DNAL1: variants seen among roughly 807,000 people sequenced by gnomAD.
The protein encoded by DNAL1 is dynein axonemal light chain 1, also known as chromosome 14 open reading frame 168.
Under a neutral mutation model 29.4 loss-of-function variants are expected in DNAL1, and 17 were observed. The ratio of observed to expected loss-of-function variants is 0.58; its 90% CI spans 0.40 to 0.87. DNAL1 has a LOEUF of 0.87. DNAL1 is among the 40% of genes least tolerant of loss of function. DNAL1 has a pLI of 0.00. For synonymous variants in DNAL1, 78 were observed against 76.3 expected, an observed-to-expected ratio of 1.02 and a Z score of -0.12; for missense variants, 188 against 214.1, an observed-to-expected ratio of 0.88 and a Z score of 0.76.
chr14:73,695,088 C>T lies in DNAL1; in HGVS notation c.533-814C>T, dbSNP rs1892272584. Among the ~76,000 whole-genome samples the T allele has an allele frequency of 3.8e-5, 4 of 106,444 alleles. No individual in the cohort carries two copies. The South Asian group carries it at 9.4e-4, about 25-fold the overall frequency. 69.8% of individuals were successfully genotyped at this position (106,444 alleles called of 152,430 possible). A position where few individuals can be genotyped will look rare whatever the true frequency, so the allele number is the denominator to read the frequency against. On this transcript the variant is annotated intron_variant, in intron 7 of 7. Coordinates refer to ENST00000553645, the MANE Select transcript of DNAL1 (RefSeq NM_031427.4). ...TTTTTTTTTTTGAGACAGGGTCTTA[C>T]TCTGCCACCCAGGCTGGAGTGCAGT...
At chr14:73,687,187 A>G (rs1233936857) in intron 5 of DNAL1, 72 bp from the exon 6 acceptor site, 2 of 1,579,534 alleles carry the variant, frequency 1.3e-6, no homozygotes, top group Non-Finnish European at 1.7e-6. Flanking sequence ...GCCATTATGT[A>G]TATCTTTATA....
chr14:73,668,456 G>T (rs1181548203), intron 4 of DNAL1, among the ~76,000 whole-genome samples: 2 of 152,154 alleles, frequency 1.3e-5, no homozygotes, highest in African/African-American at 4.8e-5. Context: ...GAATAATTAT[G>T]TGATTTTCTT....
chr14:73,689,285 T>A, intron 6 of DNAL1, 90 bp from the exon 7 acceptor site: 1 of 1,462,250 alleles, frequency 6.8e-7, no homozygotes, highest in Non-Finnish European at 9.3e-7. Context: ...GCCCGCCTTG[T>A]CCCCCCAAAG....
intron 5 of DNAL1, among the ~76,000 whole-genome samples, chr14:73,681,825 A>G (rs896634529): frequency 2.0e-5 from 3 of 149,130 alleles, no homozygotes; most frequent in African/African-American, 7.4e-5. Flanking sequence ...TAAAAATAAT[A>G]TGTTTAGCTG....
chr14:73,654,658 C>T (rs1213127429), intron 1 of DNAL1, among the ~76,000 whole-genome samples, 189 bp from the exon 2 acceptor site: 1 of 152,084 alleles, frequency 6.6e-6, no homozygotes, highest in Non-Finnish European at 1.5e-5. Flanking sequence ...ACTTGGGAGA[C>T]TGAGGCAGGA....
At chr14:73,686,988 T>C (rs1892032480) in intron 5 of DNAL1, among the ~76,000 whole-genome samples, 1 of 151,396 alleles carries the variant, frequency 6.6e-6, no homozygotes, top group African/African-American at 2.4e-5. Flanking sequence ...ATTTCAGTAT[T>C]AGTAACGTAT....
rs1366417784 is a variant in DNAL1 at position 73,702,611 on chromosome 14, A to G, written c.*6669A>G. 1 of 152,120 alleles carries G rather than the reference A, an allele frequency of 6.6e-6. No homozygotes were observed. Among genetic ancestry groups the G allele is most frequent in the African/African-American group, 2.4e-5 (1 of 41,412 alleles). 9.4% of individuals were successfully genotyped at this position (152,120 alleles called of 1,614,324 possible). A position where few individuals can be genotyped will look rare whatever the true frequency, so the allele number is the denominator to read the frequency against. The stretch of plus-strand genomic sequence containing the variant: ...CTTGACCATTCCTAGTCCTCACCTG[A>G]TTACCAGAAGGTACGCAAGGTAAAA... On this transcript the variant is annotated 3_prime_UTR_variant, in exon 8 of 8. Coordinates refer to ENST00000553645, the MANE Select transcript of DNAL1 (RefSeq NM_031427.4).
chr14:73,675,502 C>T (rs1230217616), intron 5 of DNAL1, among the ~76,000 whole-genome samples: 2 of 151,454 alleles, frequency 1.3e-5, no homozygotes, highest in African/African-American at 4.8e-5. Flanking sequence ...GTGATGGAGT[C>T]TTACTATGTT....
chr14:73,670,680 T>C (rs1167758406), intron 4 of DNAL1, among the ~76,000 whole-genome samples: 1 of 151,770 alleles, frequency 6.6e-6, no homozygotes, highest in East Asian at 1.9e-4. Context: ...CAAATAGAAA[T>C]AACCTTTAAA....
At position 73,679,879 on chromosome 14, in the gene DNAL1, C is replaced by CTT. The variant is rs142899983; in HGVS notation, c.265-7369_265-7368dup. On this transcript the variant is annotated intron_variant, in intron 5 of 7. Coordinates refer to ENST00000553645, the MANE Select transcript of DNAL1 (RefSeq NM_031427.4). ...GTGTCATGAGGCGCAGGTATCATGT[C>CTT]TTTTTTTTTTTTCTTTAATTGGTTA... Among the ~76,000 whole-genome samples, 1,165 of 143,752 alleles carry CTT rather than the reference C, an allele frequency of 8.1e-3. 24 individuals carry two copies. The highest frequency in any genetic ancestry group is 0.028 in the African/African-American group (1,106 of 39,318). The allele number at this position is 143,752 out of a possible 152,430, so 94.3% of individuals were successfully genotyped here.
chr14:73,677,884 T>TTTGTGTGTGTGTG lies in DNAL1; in HGVS notation c.264+6288_264+6289insTGTGTGTGTGTGT, dbSNP rs1555402398. Among the ~76,000 whole-genome samples the TTTGTGTGTGTGTG allele has an allele frequency of 1.2e-3, 120 of 96,130 alleles. 2 individuals are homozygous for TTTGTGTGTGTGTG. Among genetic ancestry groups the TTTGTGTGTGTGTG allele is most frequent in the African/African-American group, 3.3e-3 (88 of 26,516 alleles). 63.1% of individuals were successfully genotyped at this position (96,130 alleles called of 152,430 possible). A position where few individuals can be genotyped will look rare whatever the true frequency, so the allele number is the denominator to read the frequency against. ...TATATTTATATATATATATATATAT[T>TTTGTGTGTGTGTG]TGTGTGTGTGTGTGTGTGTGTGTGT... On this transcript the variant is annotated intron_variant, in intron 5 of 7. Transcript: ENST00000553645.
At chr14:73,648,482 G>A (rs999949544) in intron 1 of DNAL1, among the ~76,000 whole-genome samples, 8 of 144,960 alleles carry the variant, frequency 5.5e-5, no homozygotes, top group Non-Finnish European at 1.2e-4. Flanking sequence ...GGTCTGGAGT[G>A]CAGTGGCCCC....
At chr14:73,686,052 C>G (rs901630190) in intron 5 of DNAL1, among the ~76,000 whole-genome samples, 3 of 152,166 alleles carry the variant, frequency 2.0e-5, no homozygotes, top group African/African-American at 7.2e-5. Context: ...CACCATTTTA[C>G]CTCCCTGCCA....
rs773102341 is a variant in DNAL1, at chr14:73,671,629, T to C, written c.264+32T>C. The C allele has an allele frequency of 3.3e-5, 46 of 1,407,032 alleles. No homozygotes were observed. The African/African-American group carries it at 6.8e-4, about 21-fold the overall frequency. 87.2% of individuals were successfully genotyped at this position (1,407,032 alleles called of 1,614,324 possible). ...TGTTATTTATTATTATTTTATTTAT[T>C]TAATTTGCACACATCTATGAATAAT... On this transcript the variant is annotated intron_variant, in intron 5 of 7. Transcript: ENST00000553645.
chr14:73,682,235 A>G (rs1184606173), intron 5 of DNAL1, among the ~76,000 whole-genome samples: 5 of 145,008 alleles, frequency 3.4e-5, no homozygotes, highest in South Asian at 2.2e-4. Context: ...CAGTGGCTCA[A>G]TCTCAGTTCA....
chr14:73,697,107 A>G lies in DNAL1; in HGVS notation c.*1165A>G, dbSNP rs2140068398. The G allele has an allele frequency of 6.6e-6, 1 of 152,344 alleles. No homozygotes were observed. 9.4% of individuals were successfully genotyped at this position (152,344 alleles called of 1,614,324 possible). A position where few individuals can be genotyped will look rare whatever the true frequency, so the allele number is the denominator to read the frequency against. On this transcript the variant is annotated 3_prime_UTR_variant, in exon 8 of 8. Coordinates refer to ENST00000553645, the MANE Select transcript of DNAL1 (RefSeq NM_031427.4). ...AGAGGTTAGAATTTATCATGTAAAC[A>G]AAAAATCCTTCAGGAAAATGTAAGA... is the stretch of plus-strand genomic sequence containing the variant.
intron 7 of DNAL1, among the ~76,000 whole-genome samples, chr14:73,692,500 A>G (rs1367156235): frequency 6.6e-6 from 1 of 151,940 alleles, no homozygotes; most frequent in Non-Finnish European, 1.5e-5. Flanking sequence ...TCTCTACTAA[A>G]AATATAAAAT....
At chr14:73,694,788 CA>C (rs1483086647) in intron 7 of DNAL1, among the ~76,000 whole-genome samples, 3 of 151,264 alleles carry the variant, frequency 2.0e-5, no homozygotes, top group African/African-American at 7.3e-5. Flanking sequence ...CTCCCGGGTT[CA>C]AGCGATTCTC....
chr14:73,679,669 T>C (rs1595218795), intron 5 of DNAL1, among the ~76,000 whole-genome samples: 1 of 152,240 alleles, frequency 6.6e-6, no homozygotes, highest in Non-Finnish European at 1.5e-5. Context: ...TTGTTTCTTG[T>C]CTTTTTACCT....
Sources: allele counts gnomAD v4.1 joint callset (sites outside exome capture counted in the v4.1 genomes callset), GRCh38; gene constraint gnomAD v4.1.1; transcripts MANE v1.5; gene names NCBI Gene and HGNC (gene_info 2026-07-23, HGNC 2026-07-21).